The following TSHZ2 variants were observed in gnomAD, a reference collection of about 807,000 sequenced individuals.
The protein encoded by TSHZ2 is teashirt homolog 2.
TSHZ2 carries 21 observed loss-of-function variants against 74.4 expected under a neutral mutation model. That is an observed-to-expected ratio of 0.28 (90% CI 0.20 to 0.41). The LOEUF (loss-of-function observed/expected upper bound fraction) is 0.41, where lower values mean the gene tolerates loss of function less well. Ranked by LOEUF, TSHZ2 falls within the 10% of genes least tolerant of loss-of-function variation. TSHZ2 has a pLI of 1.00. For missense variants in TSHZ2, 1,244 were observed against 1,293.5 expected (o/e 0.96, Z 0.59); for synonymous variants, 540 against 515.3 (o/e 1.05, Z -0.65).
intron 1 of TSHZ2, among the ~76,000 whole-genome samples, chr20:52,999,560 C>T (rs1035175002): frequency 2.0e-5 from 3 of 152,176 alleles, no homozygotes; most frequent in African/African-American, 7.2e-5. Flanking sequence ...GGGCTAAGCA[C>T]CAGCTGGTGT....
Position 52,973,299 on chromosome 20 carries a change from G to A in TSHZ2, c.6G>A (p.Pro2=), listed in dbSNP as rs372136458. The A allele has an allele frequency of 1.8e-5, 28 of 1,552,950 alleles. No individual in the cohort carries two copies. The highest frequency in any genetic ancestry group is 2.4e-5 in the Non-Finnish European group (27 of 1,147,452). ...GGACTGGAGCGAAGTAGAGGATGCC[G>A]AGGAGAAAACAGCAGGCACCCAAGC... M[P]RRKQQAPKRA... Residue 2 remains proline (P), a synonymous_variant, in exon 1 of 3, where the codon CCG becomes CCA. Transcript: ENST00000371497.
At chr20:53,265,401 G>C (rs556209789) in intron 2 of TSHZ2, among the ~76,000 whole-genome samples, 1 of 152,244 alleles carries the variant, frequency 6.6e-6, no homozygotes, top group East Asian at 1.9e-4. Context: ...GGACAGGCGG[G>C]GGTGCAGCAA....
chr20:53,279,063 TAAGA>T (rs1600785718), intron 2 of TSHZ2, among the ~76,000 whole-genome samples: 1 of 152,234 alleles, frequency 6.6e-6, no homozygotes, highest in South Asian at 2.1e-4. Flanking sequence ...AGGAAAATCA[TAAGA>T]AAGAGAAAAC....
chr20:53,302,236 A>T (rs1457725592), intron 2 of TSHZ2, among the ~76,000 whole-genome samples: 2 of 152,106 alleles, frequency 1.3e-5, no homozygotes, highest in Non-Finnish European at 2.9e-5. Context: ...CCGAGAGTAC[A>T]TGGGGGTGTC....
intron 1 of TSHZ2, among the ~76,000 whole-genome samples, chr20:53,166,282 G>T (rs1343176586): frequency 6.6e-6 from 1 of 152,126 alleles, no homozygotes; most frequent in Non-Finnish European, 1.5e-5. Context: ...AAAACCAACT[G>T]GGTAAGAAAA....
At chr20:53,278,711 T>A (rs1990992488) in intron 2 of TSHZ2, among the ~76,000 whole-genome samples, 1 of 152,198 alleles carries the variant, frequency 6.6e-6, no homozygotes, top group South Asian at 2.1e-4. Context: ...AAACATCATC[T>A]TCTTTAAGGA....
At chr20:53,448,643 G>A (rs143402066) in intron 2 of TSHZ2, among the ~76,000 whole-genome samples, 54 of 152,286 alleles carry the variant, frequency 3.5e-4, no homozygotes, top group African/African-American at 1.1e-3. Flanking sequence ...CTTTGATCAC[G>A]TGGTTAAGGT....
chr20:53,426,538 A>T (rs1177314761), intron 2 of TSHZ2, among the ~76,000 whole-genome samples: 1 of 152,112 alleles, frequency 6.6e-6, no homozygotes, highest in Non-Finnish European at 1.5e-5. Flanking sequence ...CCCTCTTAAC[A>T]GAGAAGGTCA....
chr20:53,146,199 A>G (rs1170231822), intron 1 of TSHZ2, among the ~76,000 whole-genome samples: 1 of 149,798 alleles, frequency 6.7e-6, no homozygotes, highest in East Asian at 1.9e-4. Context: ...TCATTGTCAG[A>G]TACTCAAAGT....
Position 53,177,071 on chromosome 20 carries a change from T to A in TSHZ2, c.41-76428T>A, listed in dbSNP as rs547391660. Among the ~76,000 whole-genome samples, 2 of 152,138 alleles carry A rather than the reference T, an allele frequency of 1.3e-5. 1 individual carries two copies. Among genetic ancestry groups the A allele is most frequent in the South Asian group, 4.1e-4 (2 of 4,830 alleles). On this transcript the variant is annotated intron_variant, in intron 1 of 2. Transcript: ENST00000371497. Reference sequence around the variant, plus strand: ...TTTTTTGTTATTATCATTGTAGAAATGGGAGTCTTAGTATGTTGTCCAGGC... The same window carrying A: ...TTTTTTGTTATTATCATTGTAGAAAAGGGAGTCTTAGTATGTTGTCCAGGC...
intron 2 of TSHZ2, among the ~76,000 whole-genome samples, chr20:53,350,694 C>A (rs1307124975): frequency 6.6e-6 from 1 of 152,230 alleles, no homozygotes; most frequent in Non-Finnish European, 1.5e-5. Flanking sequence ...CAGCACCTTA[C>A]AGGATTGATA....
At chr20:53,448,842 A>G (rs1296599004) in intron 2 of TSHZ2, among the ~76,000 whole-genome samples, 1 of 152,196 alleles carries the variant, frequency 6.6e-6, no homozygotes, top group Non-Finnish European at 1.5e-5. Flanking sequence ...AGGAGACTAA[A>G]AATAACCACC....
At chr20:53,410,447 A>T (rs2145695886) in intron 2 of TSHZ2, among the ~76,000 whole-genome samples, 1 of 152,320 alleles carries the variant, frequency 6.6e-6, no homozygotes, top group South Asian at 2.1e-4. Flanking sequence ...AGTTATGAAA[A>T]AGGTCTCAGT....
At chr20:53,486,757 C>T (rs1217942329) in intron 2 of TSHZ2, among the ~76,000 whole-genome samples, 1 of 152,150 alleles carries the variant, frequency 6.6e-6, no homozygotes, top group Non-Finnish European at 1.5e-5. Context: ...GGGAATATTG[C>T]ATGATGGTGA....
At chr20:53,176,262 G>A (rs892473425) in intron 1 of TSHZ2, among the ~76,000 whole-genome samples, 9 of 152,002 alleles carry the variant, frequency 5.9e-5, no homozygotes, top group Non-Finnish European at 1.3e-4. Flanking sequence ...TCCCTGATAA[G>A]CCTCAAAGAA....
At chr20:53,051,855 T>C (rs185544748) in intron 1 of TSHZ2, among the ~76,000 whole-genome samples, 19 of 152,306 alleles carry the variant, frequency 1.2e-4, no homozygotes, top group Admixed American at 5.2e-4. Flanking sequence ...TGCGAACCCA[T>C]AGAACGGACC....
intron 2 of TSHZ2, among the ~76,000 whole-genome samples, chr20:53,296,105 C>T (rs1340148315): frequency 6.6e-6 from 1 of 151,002 alleles, no homozygotes; most frequent in African/African-American, 2.4e-5. Context: ...CTCCTCTCAG[C>T]CTTAGTTCTG....
intron 1 of TSHZ2, among the ~76,000 whole-genome samples, chr20:53,043,694 T>C (rs1984125927): frequency 6.6e-6 from 1 of 152,126 alleles, no homozygotes. Context: ...ACCAGAACAA[T>C]TTCTTCATTC....
chr20:52,978,524 A>C (rs1275997711), intron 1 of TSHZ2, among the ~76,000 whole-genome samples: 1 of 152,176 alleles, frequency 6.6e-6, no homozygotes, highest in Non-Finnish European at 1.5e-5. Context: ...AAAAACACAG[A>C]AATTGCCGAA....
Sources: gnomAD v4.1 joint callset for allele counts (sites outside exome capture counted in the v4.1 genomes callset) on GRCh38, gnomAD v4.1.1 for gene constraint, MANE v1.5 for transcripts, NCBI Gene and HGNC (gene_info 2026-07-23, HGNC 2026-07-21) for gene names.